ITGB3: variants seen among roughly 807,000 people sequenced by gnomAD.
The protein encoded by ITGB3 is integrin subunit beta 3.
ITGB3 carries 48 observed loss-of-function variants against 85.8 expected under a neutral mutation model. The observed-to-expected ratio is 0.56, with a 90% CI of 0.44 to 0.71. The LOEUF (loss-of-function observed/expected upper bound fraction) is 0.71, where lower values mean the gene tolerates loss of function less well. ITGB3 is among the 30% of genes least tolerant of loss of function. ITGB3 has a pLI of 0.00. For synonymous variants in ITGB3, 363 were observed against 395.6 expected, an observed-to-expected ratio of 0.92 and a Z score of 0.98; for missense variants, 861 against 1,019.1, an observed-to-expected ratio of 0.84 and a Z score of 2.11.
At position 47,307,698 on chromosome 17, in the gene ITGB3, G is replaced by A. The variant is rs565024604; in HGVS notation, c.2301+61G>A. ...GGTCTGAGACTCTTAAGTGGAAGCA[G>A]CAGATGCTTTGGGTGGTCATGTTCA... On this transcript the variant is annotated intron_variant, in intron 14 of 14. Transcript: ENST00000559488. The A allele has an allele frequency of 4.6e-5, 70 of 1,528,814 alleles. No individual in the cohort carries two copies. In the African/African-American group the frequency reaches 8.3e-4, roughly 18 times the overall value. 94.7% of individuals were successfully genotyped at this position (1,528,814 alleles called of 1,614,324 possible).
At chr17:47,267,296 G>A (rs8073827) in intron 1 of ITGB3, among the ~76,000 whole-genome samples, 1 of 151,932 alleles carries the variant, frequency 6.6e-6, no homozygotes, top group South Asian at 2.1e-4. Flanking sequence ...TGTTTGTTCT[G>A]TAAGTGACAT....
chr17:47,310,716 C>CA lies in ITGB3; in HGVS notation c.*513dup, dbSNP rs2065210950. The CA allele has an allele frequency of 5.1e-6, 1 of 197,384 alleles. No individual in the cohort carries two copies. The allele number at this position is 197,384 out of a possible 1,614,324, so 12.2% of individuals were successfully genotyped here. A position where few individuals can be genotyped will look rare whatever the true frequency, so the allele number is the denominator to read the frequency against. On this transcript the variant is annotated 3_prime_UTR_variant, in exon 15 of 15. Coordinates refer to ENST00000559488, the MANE Select transcript of ITGB3 (RefSeq NM_000212.3). ...CTATGGTAGGAACTGCTGGGCTTGG[C>CA]AGCCCGGGTCATCTGTACCTCTGCC... is the stretch of plus-strand genomic sequence containing the variant.
rs2065194623 is a variant in ITGB3, at chr17:47,307,733, A to G, written c.2301+96A>G. 5 of 1,185,692 alleles carry G rather than the reference A, an allele frequency of 4.2e-6. No homozygotes were observed. The South Asian group carries it at 5.2e-5, about 12-fold the overall frequency. 73.4% of individuals were successfully genotyped at this position (1,185,692 alleles called of 1,614,324 possible). A position where few individuals can be genotyped will look rare whatever the true frequency, so the allele number is the denominator to read the frequency against. On this transcript the variant is annotated intron_variant, in intron 14 of 14. Transcript: ENST00000559488. Reference sequence around the variant, plus strand: ...TGGGTGGTCATGTTCAGCCAGTACCATCGTCTTTCCATTATCCTCTGTTCT... The same window carrying G: ...TGGGTGGTCATGTTCAGCCAGTACCGTCGTCTTTCCATTATCCTCTGTTCT...
At chr17:47,291,521 T>C in intron 9 of ITGB3, 4 of 302,180 alleles carry the variant, frequency 1.3e-5, no homozygotes, top group Non-Finnish European at 1.8e-5. Flanking sequence ...TTATTGGTCG[T>C]TTCTCCTCCG....
At chr17:47,272,921 G>A (rs1480995621) in intron 1 of ITGB3, among the ~76,000 whole-genome samples, 1 of 151,912 alleles carries the variant, frequency 6.6e-6, no homozygotes, top group Non-Finnish European at 1.5e-5. Context: ...TTACAGGAGT[G>A]CACCACCACG....
intron 1 of ITGB3, among the ~76,000 whole-genome samples, chr17:47,267,060 C>A (rs1016840897): frequency 6.6e-6 from 1 of 152,174 alleles, no homozygotes; most frequent in African/African-American, 2.4e-5. Context: ...CTGCCCTAAA[C>A]AATTTGAGAC....
intron 9 of ITGB3, chr17:47,291,553 G>T (rs967755034): frequency 3.5e-6 from 1 of 281,998 alleles, no homozygotes; most frequent in Non-Finnish European, 6.6e-6. Context: ...GGGGAGAGGG[G>T]TTGGTGGGAG....
intron 1 of ITGB3, 75 bp downstream of exon 1, chr17:47,254,015 C>G (rs1219480268): frequency 5.1e-6 from 5 of 988,514 alleles, no homozygotes; most frequent in Non-Finnish European, 6.9e-6. Flanking sequence ...GGACTTGGAG[C>G]CGGCAAACGC....
chr17:47,296,623 G>T (rs1331180498), intron 10 of ITGB3, among the ~76,000 whole-genome samples: 1 of 152,136 alleles, frequency 6.6e-6, no homozygotes, highest in Non-Finnish European at 1.5e-5. Flanking sequence ...GAGCTATTTT[G>T]TCTCCCAGGG....
chr17:47,303,933 C>G (rs1006483875), intron 13 of ITGB3, among the ~76,000 whole-genome samples: 1 of 152,032 alleles, frequency 6.6e-6, no homozygotes, highest in African/African-American at 2.4e-5. Flanking sequence ...ATTTTGTTGC[C>G]CAGGTTGGGG....
intron 1 of ITGB3, among the ~76,000 whole-genome samples, chr17:47,256,004 TA>T (rs1163432609): frequency 3.3e-5 from 5 of 151,812 alleles, no homozygotes; most frequent in African/African-American, 9.7e-5. Context: ...AATACATAAT[TA>T]AAAAAAGGGT....
chr17:47,299,260 G>A lies in ITGB3; in HGVS notation c.1691-48G>A. On this transcript the variant is annotated intron_variant, in intron 10 of 14. Coordinates refer to ENST00000559488, the MANE Select transcript of ITGB3 (RefSeq NM_000212.3). The surrounding 1 kb of genome is among the most constrained non-coding windows in gnomAD (Gnocchi z 5.1). The stretch of plus-strand genomic sequence containing the variant: ...TCGTGTGTAGCCTGCTGCCATGGGA[G>A]TGGAGCTCTCGCCAGCGGGTCCACC... 1 of 1,552,526 alleles carries A rather than the reference G, an allele frequency of 6.4e-7. No homozygotes were observed. Among genetic ancestry groups the A allele is most frequent in the Non-Finnish European group, 8.9e-7 (1 of 1,129,286 alleles).
Position 47,310,503 on chromosome 17 carries a change from T to G in ITGB3, c.*299T>G. The stretch of plus-strand genomic sequence containing the variant: ...CCTGCAGGGATTCTTCCTGCTTAGC[T>G]TGAGGGTGACTATGGAGCTGAGCAG... On this transcript the variant is annotated 3_prime_UTR_variant, in exon 15 of 15. Coordinates refer to ENST00000559488, the MANE Select transcript of ITGB3 (RefSeq NM_000212.3). 2 of 476,294 alleles carry G rather than the reference T, an allele frequency of 4.2e-6. No individual in the cohort carries two copies. Among genetic ancestry groups the G allele is most frequent in the South Asian group, 4.0e-5 (2 of 50,264 alleles). 29.5% of individuals were successfully genotyped at this position (476,294 alleles called of 1,614,324 possible).
intron 12 of ITGB3, 151 bp downstream of exon 12, chr17:47,300,729 A>G (rs563383761): frequency 1.4e-6 from 1 of 700,154 alleles, no homozygotes; most frequent in East Asian, 2.8e-5. Flanking sequence ...TGGACACTTG[A>G]TGTGAGCTGG....
In ITGB3 at chr17:47,311,217, C is replaced by CAA. The variant is rs1424218607; in HGVS notation, c.*1013_*1014insAA. 5.8e-5 allele frequency: 9 copies of CAA among 155,198 alleles called. No individual in the cohort carries two copies. Among genetic ancestry groups the CAA allele is most frequent in the African/African-American group, 2.2e-4 (9 of 41,494 alleles). 9.6% of individuals were successfully genotyped at this position (155,198 alleles called of 1,614,324 possible). ...CCATAGCACCTCCACATACCTGGCC[C>CAA]TGTGCCTTGGTGTGCTGTATCCATC... On this transcript the variant is annotated 3_prime_UTR_variant, in exon 15 of 15. Coordinates refer to ENST00000559488, the MANE Select transcript of ITGB3 (RefSeq NM_000212.3).
At chr17:47,283,292 A>T in intron 2 of ITGB3, 62 bp from the exon 3 acceptor site, 1 of 1,523,916 alleles carries the variant, frequency 6.6e-7, no homozygotes, top group Non-Finnish European at 9.1e-7. Flanking sequence ...TAGGGCCTGC[A>T]GGAGGTAGAG....
intron 1 of ITGB3, among the ~76,000 whole-genome samples, chr17:47,272,524 G>A (rs562932857): frequency 1.3e-5 from 2 of 152,118 alleles, no homozygotes; most frequent in East Asian, 3.9e-4. Flanking sequence ...AAAATATCCT[G>A]ATTAATAGAA....
intron 6 of ITGB3, among the ~76,000 whole-genome samples, chr17:47,287,476 A>C (rs1435585739): frequency 2.0e-5 from 3 of 152,252 alleles, no homozygotes; most frequent in Non-Finnish European, 4.4e-5. Context: ...GCATAGCAGC[A>C]GCATCATGGG....
At chr17:47,292,070 T>G in intron 9 of ITGB3, 69 bp from the exon 10 acceptor site, 1 of 1,558,796 alleles carries the variant, frequency 6.4e-7, no homozygotes, top group Non-Finnish European at 8.8e-7. Context: ...AACAACTTTT[T>G]TTTTCCTCCA....
Sources: gnomAD v4.1 joint callset for allele counts (sites outside exome capture counted in the v4.1 genomes callset) on GRCh38, gnomAD v4.1.1 for gene constraint, Gnocchi (gnomAD v3.1) non-coding constraint, MANE v1.5 for transcripts, NCBI Gene and HGNC (gene_info 2026-07-23, HGNC 2026-07-21) for gene names.